FOXP2: variants seen among roughly 807,000 people sequenced by gnomAD.
The protein encoded by FOXP2 is forkhead box P2, also known as forkhead box protein P2.
A neutral mutation model predicts 115.8 loss-of-function variants in FOXP2; 12 were observed. That is an observed-to-expected ratio of 0.10 (90% CI 0.07 to 0.17). The LOEUF (loss-of-function observed/expected upper bound fraction) is 0.17, where lower values mean the gene tolerates loss of function less well. Ranked by LOEUF, FOXP2 falls within the 10% of genes least tolerant of loss-of-function variation. FOXP2 has a pLI of 1.00. For missense variants in FOXP2, 629 were observed against 843.5 expected (o/e 0.75, Z 3.15); for synonymous variants, 328 against 297.7 (o/e 1.10, Z -1.05).
chr7:114,270,121 AGGT>A (rs1795998881), intron 1 of FOXP2, among the ~76,000 whole-genome samples: 1 of 152,154 alleles, frequency 6.6e-6, no homozygotes, highest in Non-Finnish European at 1.5e-5. Flanking sequence ...TATACGTTTA[AGGT>A]TTTTCCATGT....
chr7:114,129,832 A>C lies in FOXP2; in HGVS notation c.-246-33112A>C, dbSNP rs534943053. 3.9e-5 allele frequency among the ~76,000 whole-genome samples: 6 copies of C among 152,380 alleles called. No individual in the cohort carries two copies. In the East Asian group the frequency reaches 1.2e-3, roughly 29 times the overall value. ...AAACTACCTGATTCACATACTGTAGAAATAAAAATATTAAAATATTTTCAT... is the reference window on the plus strand; with the variant it reads ...AAACTACCTGATTCACATACTGTAGCAATAAAAATATTAAAATATTTTCAT... On this transcript the variant is annotated intron_variant, in intron 1 of 19. Transcript: ENST00000635638.
intron 2 of FOXP2, among the ~76,000 whole-genome samples, chr7:114,329,479 A>T (rs931655996): frequency 2.0e-5 from 3 of 149,570 alleles, no homozygotes; most frequent in African/African-American, 7.4e-5. Context: ...AGATCGTGCC[A>T]TTGAACTCCA....
intron 2 of FOXP2, among the ~76,000 whole-genome samples, chr7:114,495,359 A>G (rs1028156197): frequency 6.6e-6 from 1 of 152,112 alleles, no homozygotes; most frequent in Middle Eastern, 3.2e-3. Flanking sequence ...AAGATTTTCA[A>G]TAGAATTCCA....
intron 2 of FOXP2, among the ~76,000 whole-genome samples, chr7:114,386,707 C>T (rs1036929159): frequency 6.6e-6 from 1 of 152,102 alleles, no homozygotes. Context: ...TACATAGAGA[C>T]AAGAGGGAAA....
At chr7:114,555,180 G>A (rs778436832) in intron 3 of FOXP2, among the ~76,000 whole-genome samples, 6 of 152,068 alleles carry the variant, frequency 3.9e-5, no homozygotes, top group Admixed American at 6.5e-5. Context: ...TGTGTACCTG[G>A]TAATGTATTT....
chr7:114,401,573 C>G (rs559717704), intron 2 of FOXP2, among the ~76,000 whole-genome samples: 2 of 152,228 alleles, frequency 1.3e-5, no homozygotes, highest in African/African-American at 4.8e-5. Context: ...AGAAAATATT[C>G]CCAGGAAGAA....
chr7:114,550,013 TA>T (rs968604800), intron 3 of FOXP2, among the ~76,000 whole-genome samples: 1 of 151,980 alleles, frequency 6.6e-6, no homozygotes, highest in Admixed American at 6.6e-5. Flanking sequence ...GCCAGTAAGT[TA>T]AACTCTTAAT....
At chr7:114,124,158 T>C (rs893139446) in intron 1 of FOXP2, among the ~76,000 whole-genome samples, 1 of 152,092 alleles carries the variant, frequency 6.6e-6, no homozygotes, top group African/African-American at 2.4e-5. Context: ...GATATATTGT[T>C]TGGCCCTAGG....
chr7:114,274,896 C>T (rs567923949), intron 1 of FOXP2, among the ~76,000 whole-genome samples: 9 of 152,018 alleles, frequency 5.9e-5, no homozygotes, highest in Admixed American at 1.3e-4. Flanking sequence ...CTCAAGCAAT[C>T]CGCTCACCTC....
At chr7:114,350,184 G>A (rs182293483) in intron 2 of FOXP2, among the ~76,000 whole-genome samples, 1 of 152,156 alleles carries the variant, frequency 6.6e-6, no homozygotes, top group Non-Finnish European at 1.5e-5. Flanking sequence ...GAACGAGCAG[G>A]TTTGTTACAC....
chr7:114,664,478 TTAA>T lies in FOXP2; in HGVS notation c.2003+45_2003+47del, dbSNP rs772672951. 4 of 1,608,688 alleles carry T rather than the reference TTAA, an allele frequency of 2.5e-6. No individual in the cohort carries two copies. The East Asian group carries it at 8.9e-5, about 36-fold the overall frequency. On this transcript the variant is annotated intron_variant, in intron 16 of 16. Coordinates refer to ENST00000350908, the MANE Select transcript of FOXP2 (RefSeq NM_014491.4). Reference sequence around the variant, plus strand: ...GACTCTCTAAAGGGAAGAATCTATATTAATATGCTTCTTAAATTTAGAATTTTT... The same window carrying T: ...GACTCTCTAAAGGGAAGAATCTATATTATGCTTCTTAAATTTAGAATTTTT...
chr7:114,586,780 T>C (rs964419682), intron 3 of FOXP2, among the ~76,000 whole-genome samples: 5 of 152,116 alleles, frequency 3.3e-5, no homozygotes, highest in Non-Finnish European at 7.4e-5. Context: ...ATTTGAAATA[T>C]ATCAAGTTGT....
intron 3 of FOXP2, among the ~76,000 whole-genome samples, chr7:114,589,914 T>G (rs577325027): frequency 2.3e-4 from 33 of 145,638 alleles, no homozygotes; most frequent in African/African-American, 7.1e-4. Flanking sequence ...TTTGTTTTTG[T>G]TTTTTTCCAG....
intron 1 of FOXP2, among the ~76,000 whole-genome samples, chr7:114,173,693 A>T (rs193299071): frequency 6.6e-6 from 1 of 152,076 alleles, no homozygotes; most frequent in Non-Finnish European, 1.5e-5. Context: ...TTACCAAGGA[A>T]TTACATTTTG....
chr7:114,086,478 C>A (rs1036444136), upstream of FOXP2: 39 of 349,400 alleles, frequency 1.1e-4, no homozygotes, highest in Non-Finnish European at 1.7e-4. Context: ...CTCGGCCCCC[C>A]CCCTCCCCGG....
intron 2 of FOXP2, among the ~76,000 whole-genome samples, chr7:114,440,010 C>T (rs574621532): frequency 2.6e-5 from 4 of 152,246 alleles, no homozygotes; most frequent in African/African-American, 4.8e-5. Context: ...AACCTATCTT[C>T]GAGTAATTCT....
Position 114,689,832 on chromosome 7 carries a change from G to C in FOXP2, c.2054G>C (p.Cys685Ser). The change falls in exon 17 of 17, where the codon TGC becomes TCC. Residue 685 changes from cysteine to serine, a missense_variant. Cys to Ser is a moderately radical substitution (Grantham distance 112). This residue lies in a region of FOXP2 where 117 missense variants were observed against 112.3 expected (regional missense o/e 1.04). Coordinates refer to ENST00000350908, the MANE Select transcript of FOXP2 (RefSeq NM_014491.4). ...EEPVIAEDED[C>S]PMSLVTTANH... ...CCAGTGATTGCAGAGGATGAAGACT[G>C]CCCAATGTCCTTAGTGACAACAGCT... 1 of 1,613,496 alleles carries C rather than the reference G, an allele frequency of 6.2e-7. No homozygotes were observed. The highest frequency in any genetic ancestry group is 8.5e-7 in the Non-Finnish European group (1 of 1,179,580).
upstream of FOXP2, among the ~76,000 whole-genome samples, chr7:114,409,927 C>T (rs922389629): frequency 1.3e-5 from 2 of 152,070 alleles, no homozygotes; most frequent in African/African-American, 4.8e-5. Flanking sequence ...TATTCCATTA[C>T]TCACTGACTG....
intron 2 of FOXP2, among the ~76,000 whole-genome samples, chr7:114,387,355 A>G (rs1275211428): frequency 1.3e-5 from 2 of 152,176 alleles, no homozygotes; most frequent in Non-Finnish European, 1.5e-5. Flanking sequence ...TTCAGTTTCC[A>G]TCCTGACATG....
Sources: gnomAD v4.1 joint callset for allele counts (sites outside exome capture counted in the v4.1 genomes callset) on GRCh38, gnomAD v4.1.1 for gene constraint, gnomAD v4.1.1 regional missense constraint, MANE v1.5 for transcripts, NCBI Gene and HGNC (gene_info 2026-07-23, HGNC 2026-07-21) for gene names.